Variants in ZNF536 observed in about 807,000 individuals in gnomAD.
The protein encoded by ZNF536 is zinc finger protein 536.
In ZNF536, 13 loss-of-function variants were observed where a neutral mutation model predicts 84.5. The observed-to-expected ratio is 0.15, with a 90% CI of 0.10 to 0.24. The LOEUF (loss-of-function observed/expected upper bound fraction) is 0.24. Ranked by LOEUF, ZNF536 falls within the 10% of genes least tolerant of loss-of-function variation. The pLI is 1.00. For synonymous variants in ZNF536, 811 were observed against 742.5 expected, an observed-to-expected ratio of 1.09 and a Z score of -1.50; for missense variants, 1,536 against 1,747.5, an observed-to-expected ratio of 0.88 and a Z score of 2.16.
At chr19:30,432,951 C>G (rs2051544421) in intron 1 of ZNF536, among the ~76,000 whole-genome samples, 1 of 152,122 alleles carries the variant, frequency 6.6e-6, no homozygotes. Flanking sequence ...ATGAGGCTCT[C>G]CCTGGCAGTG....
At chr19:30,516,563 C>A (rs1321027283) in intron 2 of ZNF536, among the ~76,000 whole-genome samples, 1 of 152,150 alleles carries the variant, frequency 6.6e-6, no homozygotes, top group Non-Finnish European at 1.5e-5. Context: ...GATAATGGCG[C>A]CTTTCACCAC....
intron 1 of ZNF536, among the ~76,000 whole-genome samples, chr19:30,597,973 A>T (rs1466813870): frequency 2.0e-5 from 3 of 152,174 alleles, no homozygotes; most frequent in Non-Finnish European, 4.4e-5. Flanking sequence ...TTATTGTTGC[A>T]TGCATGTTGT....
At chr19:30,322,000 T>C (rs1416305175) in intron 2 of ZNF536, among the ~76,000 whole-genome samples, 1 of 152,162 alleles carries the variant, frequency 6.6e-6, no homozygotes, top group Non-Finnish European at 1.5e-5. Flanking sequence ...GGTCTCGAAC[T>C]CCTGATCTCG....
At chr19:30,491,371 G>A (rs954956592) in intron 2 of ZNF536, among the ~76,000 whole-genome samples, 1 of 152,122 alleles carries the variant, frequency 6.6e-6, no homozygotes, top group African/African-American at 2.4e-5. Context: ...TCTTCCTGGA[G>A]TGCGTGAGCC....
downstream of ZNF536, chr19:30,713,548 G>A (rs1050048354): frequency 3.3e-5 from 5 of 152,058 alleles, no homozygotes; most frequent in African/African-American, 1.2e-4. Context: ...AGCAATGACT[G>A]TTTTCTTTCT....
At chr19:30,409,456 T>A (rs1382306766) in intron 1 of ZNF536, among the ~76,000 whole-genome samples, 5 of 152,212 alleles carry the variant, frequency 3.3e-5, no homozygotes, top group African/African-American at 1.2e-4. Flanking sequence ...GCCCCCCTGC[T>A]CCCAGCTTCC....
chr19:30,602,371 G>A (rs902233253), intron 1 of ZNF536, among the ~76,000 whole-genome samples: 6 of 152,226 alleles, frequency 3.9e-5, no homozygotes, highest in Non-Finnish European at 7.3e-5. Flanking sequence ...AAAGGCAGAT[G>A]AAGTTGCTAC....
At chr19:30,689,087 C>A (rs142818505) in intron 1 of ZNF536, among the ~76,000 whole-genome samples, 1 of 152,356 alleles carries the variant, frequency 6.6e-6, no homozygotes, top group East Asian at 1.9e-4. Context: ...GAGGCACTAG[C>A]CTGAGCCCCT....
At chr19:30,268,780 G>A (rs1038259398) in intron 1 of ZNF536, among the ~76,000 whole-genome samples, 3 of 152,152 alleles carry the variant, frequency 2.0e-5, no homozygotes, top group Non-Finnish European at 4.4e-5. Context: ...GGAAAATGTC[G>A]TGGGGGTTTT....
At chr19:30,345,299 A>T (rs2047706294) in intron 2 of ZNF536, among the ~76,000 whole-genome samples, 2 of 152,218 alleles carry the variant, frequency 1.3e-5, no homozygotes, top group South Asian at 4.1e-4. Flanking sequence ...CAGCCCTGTG[A>T]GAAGACTCCA....
chr19:30,507,998 G>T (rs975187603), intron 2 of ZNF536, among the ~76,000 whole-genome samples: 1 of 152,312 alleles, frequency 6.6e-6, no homozygotes, highest in Non-Finnish European at 1.5e-5. Context: ...TAACTTAGGA[G>T]TGATGAATGG....
chr19:30,536,091 A>C (rs927386852), intron 3 of ZNF536, among the ~76,000 whole-genome samples: 1 of 152,088 alleles, frequency 6.6e-6, no homozygotes, highest in Non-Finnish European at 1.5e-5. Context: ...TCTCAGGCCA[A>C]AGAGGTGTCT....
chr19:30,603,421 C>T (rs1470613135), intron 1 of ZNF536, among the ~76,000 whole-genome samples: 1 of 152,182 alleles, frequency 6.6e-6, no homozygotes, highest in African/African-American at 2.4e-5. Flanking sequence ...AGATGTCTCA[C>T]AACTTTTCAA....
At chr19:30,394,331 G>C (rs1208436685) in intron 1 of ZNF536, among the ~76,000 whole-genome samples, 1 of 152,136 alleles carries the variant, frequency 6.6e-6, no homozygotes, top group East Asian at 1.9e-4. Flanking sequence ...GTAATTGTGT[G>C]TGCAAATGGG....
At chr19:30,681,319 G>C (rs2050962884) in intron 1 of ZNF536, among the ~76,000 whole-genome samples, 1 of 152,200 alleles carries the variant, frequency 6.6e-6, no homozygotes, top group Non-Finnish European at 1.5e-5. Context: ...AGGTGCTGAG[G>C]AGGTGTGCTA....
At chr19:30,281,243 G>C (rs12327786) in intron 1 of ZNF536, among the ~76,000 whole-genome samples, 35,777 of 152,048 alleles carry the variant, frequency 0.24, 4,313 homozygotes, top group East Asian at 0.39. Context: ...CTCCCCAGCA[G>C]CCTGCATCCC....
chr19:30,365,855 G>A (rs2048412632), intron 3 of ZNF536, among the ~76,000 whole-genome samples: 2 of 152,070 alleles, frequency 1.3e-5, no homozygotes, highest in South Asian at 2.1e-4. Flanking sequence ...TAATAGCTAC[G>A]AAATCTCTGG....
chr19:30,670,456 G>A (rs1416556108), intron 1 of ZNF536, among the ~76,000 whole-genome samples: 4 of 152,232 alleles, frequency 2.6e-5, no homozygotes, highest in Non-Finnish European at 4.4e-5. Context: ...TCCATGCCAG[G>A]AAGGCTGTCT....
chr19:30,630,875 C>G (rs1291603540), intron 1 of ZNF536, among the ~76,000 whole-genome samples: 1 of 152,226 alleles, frequency 6.6e-6, no homozygotes, highest in African/African-American at 2.4e-5. Context: ...TTATTGAGAC[C>G]TTCTGGATCA....
Sources: allele counts gnomAD v4.1 joint callset (sites outside exome capture counted in the v4.1 genomes callset), GRCh38; gene constraint gnomAD v4.1.1; transcripts MANE v1.5; gene names NCBI Gene and HGNC (gene_info 2026-07-23, HGNC 2026-07-21).